Variants in TRPM2 observed in about 807,000 individuals in gnomAD.
The protein encoded by TRPM2 is estrogen-responsive element-associated gene 1 protein.
In TRPM2, 161 loss-of-function variants were observed where a neutral mutation model predicts 174.0. The observed-to-expected ratio is 0.93, with a 90% CI of 0.81 to 1.05. The LOEUF (loss-of-function observed/expected upper bound fraction) is 1.05. Ranked by LOEUF, TRPM2 falls within the 50% of genes least tolerant of loss-of-function variation. The probability of loss-of-function intolerance (pLI) is 0.00; values close to 1 mark genes in which losing one functional copy is unlikely to be tolerated. For missense variants in TRPM2, 2,057 were observed against 2,038.0 expected (o/e 1.01, Z -0.18); for synonymous variants, 954 against 861.3 (o/e 1.11, Z -1.88).
At chr21:44,422,509 T>C in intron 22 of TRPM2, 1 of 1,461,960 alleles carries the variant, frequency 6.8e-7, no homozygotes, top group South Asian at 1.3e-5. Flanking sequence ...CTTTCTTCCC[T>C]CTCCCTAGAT....
chr21:44,390,345 T>G (rs1419641983), intron 9 of TRPM2, among the ~76,000 whole-genome samples: 1 of 152,164 alleles, frequency 6.6e-6, no homozygotes, highest in Non-Finnish European at 1.5e-5. Context: ...TGGTGTGAGG[T>G]AAGGGTCAAA....
chr21:44,397,696 G>A (rs1468822591), intron 12 of TRPM2, 51 bp from the exon 13 acceptor site: 5 of 1,506,154 alleles, frequency 3.3e-6, no homozygotes, highest in Non-Finnish European at 3.6e-6. Flanking sequence ...GGTTCCTCAG[G>A]CTGGGTTGAG....
chr21:44,358,380 C>CA (rs1242923977), intron 2 of TRPM2, among the ~76,000 whole-genome samples: 1 of 85,778 alleles, frequency 1.2e-5, no homozygotes, highest in Non-Finnish European at 2.3e-5. Flanking sequence ...AGGCAGGGAG[C>CA]CCCCCTTGGG....
chr21:44,407,960 C>T (rs1410074637), intron 19 of TRPM2, among the ~76,000 whole-genome samples: 1 of 150,576 alleles, frequency 6.6e-6, no homozygotes, highest in Non-Finnish European at 1.5e-5. Context: ...GGGAGTCTCG[C>T]TCTGTTTTCT....
At chr21:44,417,731 G>A (rs1226689698) in intron 20 of TRPM2, among the ~76,000 whole-genome samples, 196 bp from the exon 21 acceptor site, 1 of 139,256 alleles carries the variant, frequency 7.2e-6, no homozygotes, top group Non-Finnish European at 1.6e-5. Flanking sequence ...CATCACAGTG[G>A]GCACGTGGGC....
intron 5 of TRPM2, among the ~76,000 whole-genome samples, chr21:44,372,682 C>A (rs966692582): frequency 3.3e-5 from 5 of 152,076 alleles, no homozygotes; most frequent in Non-Finnish European, 5.9e-5. Flanking sequence ...GCAGGTGTAG[C>A]ATCACAGCTG....
chr21:44,364,381 TG>T (rs1185325889), intron 3 of TRPM2, 99 bp downstream of exon 3: 2 of 1,452,492 alleles, frequency 1.4e-6, no homozygotes, highest in African/African-American at 2.8e-5. Context: ...AGCAGGAGGC[TG>T]GCAAAGCTCC....
chr21:44,354,619 A>C lies in TRPM2; in HGVS notation c.166-29A>C. On this transcript the variant is annotated intron_variant, in intron 1 of 31. Transcript: ENST00000397928. The surrounding 1 kb of genome is among the most constrained non-coding windows in gnomAD (Gnocchi z 4.3). ...TGGGTGTGCTCTTTCGAATGTTGGAAGATCTCAGTGTGCTGTCTTTACCTT... is the reference window on the plus strand; with the variant it reads ...TGGGTGTGCTCTTTCGAATGTTGGACGATCTCAGTGTGCTGTCTTTACCTT... The C allele has an allele frequency of 3.1e-6, 5 of 1,598,382 alleles. No individual in the cohort carries two copies. The highest frequency in any genetic ancestry group is 1.1e-5 in the South Asian group (1 of 90,770).
rs1203054573 is a variant in TRPM2, at chr21:44,400,292, T to G, written c.2242T>G (p.Ser748Ala). The G allele has an allele frequency of 1.9e-6, 3 of 1,612,762 alleles. No homozygotes were observed. Among genetic ancestry groups the G allele is most frequent in the Admixed American group, 3.3e-5 (2 of 59,970 alleles). ...FLTKVWWGQL[S>A]VDNGLWRVTL... ...GACCAAGGTGTGGTGGGGCCAGCTC[T>G]CCGTGGACAATGGGCTGTGGCGTGT... is the stretch of plus-strand genomic sequence containing the variant. The change falls in exon 15 of 32, where the codon TCC becomes GCC. Residue 748 changes from serine (S) to alanine (A), a missense_variant. By Grantham distance (99) the Ser-to-Ala change is moderately conservative (BLOSUM62 1). Coordinates refer to ENST00000397928, the MANE Select transcript of TRPM2 (RefSeq NM_003307.4).
upstream of TRPM2, among the ~76,000 whole-genome samples, chr21:44,351,039 C>G (rs2122996540): frequency 6.6e-6 from 1 of 152,026 alleles, no homozygotes; most frequent in East Asian, 2.0e-4. Flanking sequence ...GGAGGCCACA[C>G]GGTGTACCGA....
rs556670937 is a variant in TRPM2 at position 44,405,125 on chromosome 21, G to T, written c.2539-17G>T. On this transcript the variant is annotated splice_polypyrimidine_tract_variant and intron_variant, in intron 16 of 31. Coordinates refer to ENST00000397928, the MANE Select transcript of TRPM2 (RefSeq NM_003307.4). Reference sequence around the variant, plus strand: ...GTGACAACCTGTCTGCCTTCCTACCGCCCCTCTTCCCAGTAGCTCTTCTAT... The same window carrying T: ...GTGACAACCTGTCTGCCTTCCTACCTCCCCTCTTCCCAGTAGCTCTTCTAT... The T allele has an allele frequency of 2.9e-5, 46 of 1,611,984 alleles. No individual in the cohort carries two copies. Among genetic ancestry groups the T allele is most frequent in the Non-Finnish European group, 3.6e-5 (43 of 1,178,894 alleles).
intron 20 of TRPM2, among the ~76,000 whole-genome samples, chr21:44,417,198 G>C (rs1267071706): frequency 1.6e-5 from 2 of 121,922 alleles, no homozygotes; most frequent in Non-Finnish European, 1.7e-5. Flanking sequence ...GCACGTGGGC[G>C]TGGCTCTGCT....
chr21:44,433,280 A>G (rs2051097778), intron 27 of TRPM2, among the ~76,000 whole-genome samples: 1 of 152,114 alleles, frequency 6.6e-6, no homozygotes, highest in Admixed American at 6.5e-5. Context: ...GTGGGGGTGG[A>G]CTCATGCCAG....
At chr21:44,425,168 C>T (rs1406287740) in intron 24 of TRPM2, 8 of 543,436 alleles carry the variant, frequency 1.5e-5, no homozygotes, top group South Asian at 2.4e-5. Flanking sequence ...TGGACGTCCA[C>T]GGGGAGGCCT....
At position 44,376,012 on chromosome 21, in the gene TRPM2, A is replaced by C; in HGVS notation, c.951A>C (p.Gly317=). 1 of 1,611,428 alleles carries C rather than the reference A, an allele frequency of 6.2e-7. No individual in the cohort carries two copies. The highest frequency in any genetic ancestry group is 8.5e-7 in the Non-Finnish European group (1 of 1,177,868). The change falls in exon 6 of 32, where the codon GGA becomes GGC. Residue 317 remains glycine (G), a splice_region_variant and synonymous_variant. Transcript: ENST00000397928. This position sits in a 1 kb window ranked among gnomAD's most constrained non-coding sequence, Gnocchi z 4.2. Reference sequence around the variant, plus strand: ...TATCGGAGCAGACCAAGGAAAGAGGAGGTAGGGGAGCTTGCTTTCGAGGGT... The same window carrying C: ...TATCGGAGCAGACCAAGGAAAGAGGCGGTAGGGGAGCTTGCTTTCGAGGGT... ...KFISEQTKER[G]GVAIKIPIVC...
chr21:44,409,895 G>A lies in TRPM2; in HGVS notation c.2962+3130G>A, dbSNP rs77338514. 2.6e-4 allele frequency among the ~76,000 whole-genome samples: 36 copies of A among 138,970 alleles called. 1 individual carries two copies. The highest frequency in any genetic ancestry group is 4.8e-4 in the South Asian group (2 of 4,154). 91.2% of individuals were successfully genotyped at this position (138,970 alleles called of 152,430 possible). On this transcript the variant is annotated intron_variant, in intron 19 of 31. Transcript: ENST00000397928. ...CGTAGACTTGTAGTAAGTTTTGACC[G>A]CACTGTCTTGGCGTAGCCTTGTAGT...
rs1601169177 is a variant in TRPM2, at chr21:44,405,128, C to T, written c.2539-14C>T. The stretch of plus-strand genomic sequence containing the variant: ...ACAACCTGTCTGCCTTCCTACCGCC[C>T]CTCTTCCCAGTAGCTCTTCTATGAC... On this transcript the variant is annotated splice_polypyrimidine_tract_variant and intron_variant, in intron 16 of 31. Transcript: ENST00000397928. 4 of 1,612,666 alleles carry T rather than the reference C, an allele frequency of 2.5e-6. No homozygotes were observed. Among genetic ancestry groups the T allele is most frequent in the African/African-American group, 1.3e-5 (1 of 75,052 alleles).
Position 44,399,317 on chromosome 21 carries a change from G to A in TRPM2, c.2084G>A (p.Arg695Gln), listed in dbSNP as rs764971931. The A allele has an allele frequency of 6.2e-6, 10 of 1,612,540 alleles. No individual in the cohort carries two copies. Among genetic ancestry groups the A allele is most frequent in the East Asian group, 2.2e-5 (1 of 44,886 alleles). The change falls in exon 14 of 32, where the codon CGG becomes CAG. Residue 695 changes from arginine to glutamine, a missense_variant. Coordinates refer to ENST00000397928, the MANE Select transcript of TRPM2 (RefSeq NM_003307.4). The surrounding 1 kb of genome is among the most constrained non-coding windows in gnomAD (Gnocchi z 4.6). ...RAIGVFTECYRKDEERAQKLL... is the reference protein window; with the variant it reads ...RAIGVFTECYQKDEERAQKLL... Reference sequence around the variant, plus strand: ...CCAGGGGTCTTCACCGAGTGCTACCGGAAGGACGAAGAGAGAGCCCAGAAA... The same window carrying A: ...CCAGGGGTCTTCACCGAGTGCTACCAGAAGGACGAAGAGAGAGCCCAGAAA...
At chr21:44,437,950 G>C (rs1412214350) in intron 29 of TRPM2, among the ~76,000 whole-genome samples, 3 of 152,266 alleles carry the variant, frequency 2.0e-5, no homozygotes, top group African/African-American at 7.2e-5. Flanking sequence ...CCTGATCCGG[G>C]GAGTCTGTGA....
Sources: gnomAD v4.1 joint callset for allele counts (sites outside exome capture counted in the v4.1 genomes callset) on GRCh38, gnomAD v4.1.1 for gene constraint, Gnocchi (gnomAD v3.1) non-coding constraint, MANE v1.5 for transcripts, NCBI Gene and HGNC (gene_info 2026-07-23, HGNC 2026-07-21) for gene names.